The following SLIT3 variants were observed in gnomAD, a reference collection of about 807,000 sequenced individuals.
The protein encoded by SLIT3 is slit homolog 3 protein.
SLIT3 carries 68 observed loss-of-function variants against 184.0 expected under a neutral mutation model. That is an observed-to-expected ratio of 0.37 (90% CI 0.30 to 0.45). The LOEUF (loss-of-function observed/expected upper bound fraction) is 0.45, where lower values mean the gene tolerates loss of function less well. Ranked by LOEUF, SLIT3 falls within the 20% of genes least tolerant of loss-of-function variation. The pLI, the probability that SLIT3 is intolerant of heterozygous loss-of-function variation, is 1.00. For missense variants in SLIT3, 1,707 were observed against 2,026.0 expected (o/e 0.84, Z 3.02); for synonymous variants, 831 against 828.6 (o/e 1.00, Z -0.05).
Position 168,763,116 on chromosome 5 carries a change from A to G in SLIT3, c.1460-427T>C, listed in dbSNP as rs114859058. 8.6e-3 allele frequency among the ~76,000 whole-genome samples: 1,311 copies of G among 152,198 alleles called. 7 individuals carry two copies. The highest frequency in any genetic ancestry group is 0.014 in the Admixed American group (220 of 15,282). On this transcript the variant is annotated intron_variant, in intron 14 of 35. Coordinates refer to ENST00000519560, the MANE Select transcript of SLIT3 (RefSeq NM_003062.4). ...CCCTCTAAATGTTCATGAAAATCCA[A>G]ATGACAAGATTTTGATGATGCTTTG...
At chr5:168,830,835 C>A (rs1286084084) in intron 6 of SLIT3, among the ~76,000 whole-genome samples, 1 of 152,230 alleles carries the variant, frequency 6.6e-6, no homozygotes, top group African/African-American at 2.4e-5. Context: ...GGATTGTCTT[C>A]AGACAGACAG....
At chr5:168,896,503 CT>C (rs1247890181) in intron 4 of SLIT3, among the ~76,000 whole-genome samples, 2 of 152,140 alleles carry the variant, frequency 1.3e-5, no homozygotes, top group Non-Finnish European at 2.9e-5. Context: ...AACACTAAGA[CT>C]GTAAAGCAGC....
At chr5:169,087,000 G>A (rs150130001) in intron 4 of SLIT3, among the ~76,000 whole-genome samples, 38 of 152,316 alleles carry the variant, frequency 2.5e-4, no homozygotes, top group African/African-American at 7.7e-4. Context: ...GCAAAGTGCC[G>A]TCCAAAAACT....
At chr5:169,105,104 T>A (rs1760154776) in intron 4 of SLIT3, among the ~76,000 whole-genome samples, 1 of 152,248 alleles carries the variant, frequency 6.6e-6, no homozygotes, top group Admixed American at 6.5e-5. Context: ...GTGGGCTCTG[T>A]GAACGGCAGG....
chr5:168,925,596 A>C (rs1761789722), intron 4 of SLIT3, among the ~76,000 whole-genome samples: 1 of 151,866 alleles, frequency 6.6e-6, no homozygotes, highest in South Asian at 2.1e-4. Context: ...TCTCTGCAGG[A>C]CCAGAAGGTA....
At chr5:169,010,977 T>C (rs1756121632) in intron 4 of SLIT3, among the ~76,000 whole-genome samples, 1 of 151,970 alleles carries the variant, frequency 6.6e-6, no homozygotes, top group Admixed American at 6.6e-5. Flanking sequence ...ACATGGACTA[T>C]GTCATCTGAT....
chr5:168,811,803 T>C (rs1446368919), intron 8 of SLIT3, among the ~76,000 whole-genome samples: 1 of 152,228 alleles, frequency 6.6e-6, no homozygotes, highest in Non-Finnish European at 1.5e-5. Flanking sequence ...GAAAACAGTA[T>C]GGAGGTTCCT....
intron 4 of SLIT3, among the ~76,000 whole-genome samples, chr5:168,980,358 C>T (rs530933335): frequency 1.9e-4 from 29 of 152,256 alleles, no homozygotes; most frequent in Non-Finnish European, 3.1e-4. Flanking sequence ...AAGGGGAAGG[C>T]TGCTTCCCAC....
chr5:169,125,387 C>A (rs1269928966), intron 4 of SLIT3, among the ~76,000 whole-genome samples: 2 of 152,196 alleles, frequency 1.3e-5, no homozygotes, highest in African/African-American at 4.8e-5. Context: ...CACCTGCATG[C>A]CATGGAAAGC....
At chr5:169,051,784 G>A (rs1757824400) in intron 4 of SLIT3, among the ~76,000 whole-genome samples, 1 of 152,162 alleles carries the variant, frequency 6.6e-6, no homozygotes, top group South Asian at 2.1e-4. Flanking sequence ...GGGCTTATGA[G>A]CCAGGTCGTT....
intron 4 of SLIT3, among the ~76,000 whole-genome samples, chr5:168,959,389 C>G (rs1407749364): frequency 6.6e-6 from 1 of 152,188 alleles, no homozygotes; most frequent in Admixed American, 6.5e-5. Context: ...GAAAGAAAGG[C>G]CCTGTCTGTG....
chr5:168,710,566 C>T (rs916885007), intron 25 of SLIT3, among the ~76,000 whole-genome samples: 4 of 151,468 alleles, frequency 2.6e-5, no homozygotes, highest in Non-Finnish European at 1.5e-5. Flanking sequence ...GAGTTTGAGA[C>T]CAGCCTGTGC....
chr5:168,957,267 T>A (rs2113267838), intron 4 of SLIT3, among the ~76,000 whole-genome samples: 1 of 151,042 alleles, frequency 6.6e-6, no homozygotes, highest in East Asian at 2.0e-4. Flanking sequence ...GGTCTGGCTA[T>A]GTTGGCCAGG....
At chr5:169,295,773 T>A (rs1046374103) in intron 1 of SLIT3, among the ~76,000 whole-genome samples, 2 of 152,108 alleles carry the variant, frequency 1.3e-5, no homozygotes, top group Non-Finnish European at 2.9e-5. Flanking sequence ...GAAAACAACA[T>A]AACAATCAAA....
At chr5:168,729,600 A>G (rs892549670) in intron 20 of SLIT3, among the ~76,000 whole-genome samples, 1 of 152,126 alleles carries the variant, frequency 6.6e-6, no homozygotes, top group African/African-American at 2.4e-5. Flanking sequence ...ATACTAAGGG[A>G]ATTTGCCACC....
At position 168,921,865 on chromosome 5, in the gene SLIT3, A is replaced by T. The variant is rs143069249; in HGVS notation, c.414-38529T>A. 2.9e-3 allele frequency among the ~76,000 whole-genome samples: 447 copies of T among 152,280 alleles called. 3 individuals carry two copies. Among genetic ancestry groups the T allele is most frequent in the African/African-American group, 0.01 (426 of 41,554 alleles). ...GGCTAACCTTTACTGAGCACATACT[A>T]CATGTGAGACACTGGTCTAAGCTCA... is the stretch of plus-strand genomic sequence containing the variant. On this transcript the variant is annotated intron_variant, in intron 4 of 35. Coordinates refer to ENST00000519560, the MANE Select transcript of SLIT3 (RefSeq NM_003062.4).
chr5:168,826,820 G>C lies in SLIT3; in HGVS notation c.558-3489C>G, dbSNP rs1273285526. ...TGTGTCGCCCAGGCTGAAGGGTAGT[G>C]GTGTGATCTCGGCTCACTGCAACTT... is the stretch of plus-strand genomic sequence containing the variant. On this transcript the variant is annotated intron_variant, in intron 6 of 35. Coordinates refer to ENST00000519560, the MANE Select transcript of SLIT3 (RefSeq NM_003062.4). 4.6e-5 allele frequency among the ~76,000 whole-genome samples: 7 copies of C among 152,158 alleles called. No homozygotes were observed. In the East Asian group the frequency reaches 1.2e-3, roughly 25 times the overall value.
Position 168,844,832 on chromosome 5 carries a change from C to CT in SLIT3, c.486-178dup. On this transcript the variant is annotated intron_variant, in intron 5 of 35. Coordinates refer to ENST00000519560, the MANE Select transcript of SLIT3 (RefSeq NM_003062.4). Reference sequence around the variant, plus strand: ...TGCTCCGTCTCTCCTCTCTGACTGTCTGAGAGAACTACACAGACGAGCGCA... The same window carrying CT: ...TGCTCCGTCTCTCCTCTCTGACTGTCTTGAGAGAACTACACAGACGAGCGCA... The CT allele has an allele frequency of 6.8e-6, 4 of 592,044 alleles. No homozygotes were observed. The South Asian group carries it at 8.0e-5, about 12-fold the overall frequency. The allele number at this position is 592,044 out of a possible 1,614,324, so 36.7% of individuals were successfully genotyped here. A position where few individuals can be genotyped will look rare whatever the true frequency, so the allele number is the denominator to read the frequency against.
chr5:168,799,093 T>C (rs1754247875), intron 9 of SLIT3, among the ~76,000 whole-genome samples: 1 of 152,146 alleles, frequency 6.6e-6, no homozygotes, highest in African/African-American at 2.4e-5. Flanking sequence ...CCCTTTGTCA[T>C]GCAAGCAAGG....
Sources: allele counts gnomAD v4.1 joint callset (sites outside exome capture counted in the v4.1 genomes callset), GRCh38; gene constraint gnomAD v4.1.1; transcripts MANE v1.5; gene names NCBI Gene and HGNC (gene_info 2026-07-23, HGNC 2026-07-21).